Variants in ATG10 observed in about 807,000 individuals in gnomAD.
ATG10 encodes autophagy related 10, also known as ubiquitin-like-conjugating enzyme ATG10.
A neutral mutation model predicts 32.1 loss-of-function variants in ATG10; 30 were observed. That is an observed-to-expected ratio of 0.94 (90% CI 0.70 to 1.27). The LOEUF is 1.27. Ranked by LOEUF, ATG10 falls within the 50% of genes most tolerant of loss-of-function variation. The pLI is 0.00. For missense variants in ATG10, 233 were observed against 262.3 expected (o/e 0.89, Z 0.77); for synonymous variants, 87 against 91.5 (o/e 0.95, Z 0.28).
intron 3 of ATG10, among the ~76,000 whole-genome samples, chr5:82,070,677 A>G (rs905135242): frequency 5.9e-5 from 9 of 152,080 alleles, no homozygotes; most frequent in Admixed American, 3.9e-4. Context: ...AATGCCCACA[A>G]CAGTACCTAG....
intron 3 of ATG10, among the ~76,000 whole-genome samples, chr5:82,108,782 T>C (rs1262375366): frequency 6.6e-6 from 1 of 152,006 alleles, no homozygotes; most frequent in East Asian, 1.9e-4. Flanking sequence ...AAGATAGCTC[T>C]CAAATTTTCA....
intron 5 of ATG10, among the ~76,000 whole-genome samples, chr5:82,226,234 T>C (rs970976003): frequency 5.3e-5 from 8 of 152,232 alleles, no homozygotes; most frequent in African/African-American, 1.9e-4. Context: ...ATGCCCATAT[T>C]AGCAGCTTGC....
intron 5 of ATG10, among the ~76,000 whole-genome samples, chr5:82,181,667 GATA>G (rs1744243516): frequency 6.6e-6 from 1 of 152,086 alleles, no homozygotes; most frequent in Admixed American, 6.6e-5. Context: ...GACTGAACAT[GATA>G]ATAATATGCT....
At chr5:82,078,058 AT>A (rs1404742429) in intron 3 of ATG10, among the ~76,000 whole-genome samples, 1 of 152,150 alleles carries the variant, frequency 6.6e-6, no homozygotes, top group African/African-American at 2.4e-5. Context: ...TTTTTCTTCG[AT>A]TATAATTTTT....
intron 2 of ATG10, among the ~76,000 whole-genome samples, chr5:82,009,130 G>A (rs759098030): frequency 3.9e-5 from 6 of 152,140 alleles, no homozygotes; most frequent in South Asian, 2.1e-4. Context: ...AGGCCAAATT[G>A]TTTAAAGGGT....
intron 3 of ATG10, among the ~76,000 whole-genome samples, chr5:82,149,861 C>A (rs555678778): frequency 6.6e-6 from 1 of 152,192 alleles, no homozygotes; most frequent in South Asian, 2.1e-4. Context: ...CTGGAAAGGC[C>A]TTTCTTGTAC....
rs531006742 is a variant in ATG10, at chr5:82,042,921, A to C, written c.109-15574A>C. On this transcript the variant is annotated intron_variant, in intron 2 of 7. Transcript: ENST00000282185. Reference sequence around the variant, plus strand: ...GAGTGCCTACAGCTTTTCCAGGTGCATGGTGCAAGCTCTTGGTGGATCTAC... The same window carrying C: ...GAGTGCCTACAGCTTTTCCAGGTGCCTGGTGCAAGCTCTTGGTGGATCTAC... Among the ~76,000 whole-genome samples, 340 of 151,620 alleles carry C rather than the reference A, an allele frequency of 2.2e-3. 1 individual carries two copies. The highest frequency in any genetic ancestry group is 7.9e-3 in the African/African-American group (328 of 41,336).
At chr5:82,198,560 A>G (rs1219922846) in intron 5 of ATG10, among the ~76,000 whole-genome samples, 1 of 152,208 alleles carries the variant, frequency 6.6e-6, no homozygotes, top group Non-Finnish European at 1.5e-5. Context: ...AAGGCAGCCA[A>G]GGATGTGCAC....
At chr5:82,085,368 C>T (rs942691652) in intron 3 of ATG10, among the ~76,000 whole-genome samples, 7 of 151,796 alleles carry the variant, frequency 4.6e-5, no homozygotes, top group Non-Finnish European at 8.8e-5. Context: ...CTTAGACTCC[C>T]ACACAATAAT....
chr5:82,153,939 A>T (rs901460240), intron 3 of ATG10, among the ~76,000 whole-genome samples: 2 of 145,302 alleles, frequency 1.4e-5, no homozygotes, highest in African/African-American at 5.1e-5. Context: ...CTTTAGAGAC[A>T]GGGTGTCACT....
intron 3 of ATG10, among the ~76,000 whole-genome samples, chr5:82,142,469 G>T (rs1767190384): frequency 6.6e-6 from 1 of 152,324 alleles, no homozygotes; most frequent in African/African-American, 2.4e-5. Context: ...ACAGTCATGA[G>T]ACAGCAGGAG....
At chr5:82,050,821 G>A (rs912313785) in intron 2 of ATG10, among the ~76,000 whole-genome samples, 1 of 101,132 alleles carries the variant, frequency 9.9e-6, no homozygotes, top group African/African-American at 4.0e-5. Flanking sequence ...AGGCAACATA[G>A]CAAGACCCCA....
chr5:82,226,917 A>G (rs1746154962), intron 5 of ATG10, among the ~76,000 whole-genome samples: 4 of 152,198 alleles, frequency 2.6e-5, no homozygotes, highest in Admixed American at 2.6e-4. Flanking sequence ...TTTAAAATTC[A>G]AGGGTTAAAA....
chr5:82,161,230 A>T (rs1475979499), intron 3 of ATG10, among the ~76,000 whole-genome samples: 1 of 152,198 alleles, frequency 6.6e-6, no homozygotes, highest in Non-Finnish European at 1.5e-5. Flanking sequence ...ATGTCACTGC[A>T]TGTAGATGAC....
intron 1 of ATG10, among the ~76,000 whole-genome samples, chr5:81,979,939 GTTC>G (rs1561235863): frequency 6.6e-6 from 1 of 151,214 alleles, no homozygotes; most frequent in African/African-American, 2.4e-5. Context: ...TTGGACCTGT[GTTC>G]TTTGTCCTTC....
intron 4 of ATG10, among the ~76,000 whole-genome samples, chr5:82,165,495 G>A (rs1743538516): frequency 6.6e-6 from 1 of 152,174 alleles, no homozygotes; most frequent in Admixed American, 6.5e-5. Context: ...AGTTTAACAA[G>A]CACTTAGGAT....
At chr5:82,193,786 T>A (rs1469146260) in intron 5 of ATG10, among the ~76,000 whole-genome samples, 2 of 152,326 alleles carry the variant, frequency 1.3e-5, no homozygotes, top group African/African-American at 2.4e-5. Context: ...ATAAAAAAAT[T>A]AATTTCAATT....
intron 5 of ATG10, among the ~76,000 whole-genome samples, chr5:82,219,441 G>C (rs552443722): frequency 6.6e-6 from 1 of 152,178 alleles, no homozygotes; most frequent in African/African-American, 2.4e-5. Flanking sequence ...GGCACTGACT[G>C]TTTACTAGGT....
chr5:81,997,633 A>C (rs1176975081), intron 2 of ATG10, among the ~76,000 whole-genome samples: 1 of 152,222 alleles, frequency 6.6e-6, no homozygotes, highest in African/African-American at 2.4e-5. Context: ...GGATTCTTAG[A>C]AACACAATAA....
Sources: gnomAD v4.1 joint callset for allele counts (sites outside exome capture counted in the v4.1 genomes callset) on GRCh38, gnomAD v4.1.1 for gene constraint, MANE v1.5 for transcripts, NCBI Gene and HGNC (gene_info 2026-07-23, HGNC 2026-07-21) for gene names.